ZSCAN30: variants seen among roughly 807,000 people sequenced by gnomAD.
ZSCAN30 encodes zinc finger and SCAN domain containing 30, also known as zinc finger and SCAN domain-containing protein 30.
In ZSCAN30, 37 loss-of-function variants were observed where a neutral mutation model predicts 44.3. The ratio of observed to expected loss-of-function variants is 0.84; its 90% confidence interval spans 0.64 to 1.10. The LOEUF is 1.10. ZSCAN30 is among the 50% of genes least tolerant of loss of function. The probability of loss-of-function intolerance (pLI) is 0.00; values close to 1 mark genes in which losing one functional copy is unlikely to be tolerated. For synonymous variants in ZSCAN30, 181 were observed against 204.6 expected (o/e 0.88, Z 0.98); for missense variants, 549 against 582.6 (o/e 0.94, Z 0.59).
intron 1 of ZSCAN30, among the ~76,000 whole-genome samples, chr18:35,289,134 C>T (rs550561516): frequency 6.6e-6 from 1 of 152,194 alleles, no homozygotes; most frequent in South Asian, 2.1e-4. Flanking sequence ...CACCACCATG[C>T]CCAGCTAATT....
Position 35,254,388 on chromosome 18 carries a change from A to C in ZSCAN30, c.554-7T>G, listed in dbSNP as rs1453835077. On this transcript the variant is annotated splice_polypyrimidine_tract_variant and splice_region_variant and intron_variant, in intron 3 of 3. Coordinates refer to ENST00000333206, the MANE Select transcript of ZSCAN30 (RefSeq NM_001112734.4). ...CCAGCCACCATCCTGCCATCTAAAA[A>C]TGTGAATAGAAAGTGTAAGTATCAT... is the stretch of plus-strand genomic sequence containing the variant. 1 of 1,613,920 alleles carries C rather than the reference A, an allele frequency of 6.2e-7. No homozygotes were observed. Among genetic ancestry groups the C allele is most frequent in the Non-Finnish European group, 8.5e-7 (1 of 1,179,934 alleles).
intron 1 of ZSCAN30, among the ~76,000 whole-genome samples, chr18:35,287,014 A>C (rs932669124): frequency 6.6e-6 from 1 of 152,190 alleles, no homozygotes; most frequent in Non-Finnish European, 1.5e-5. Flanking sequence ...GTATTTCTCT[A>C]TTATATTACC....
At position 35,254,182 on chromosome 18, in the gene ZSCAN30, A is replaced by G. The variant is rs2143649979; in HGVS notation, c.753T>C (p.Pro251=). The G allele has an allele frequency of 1.2e-6, 2 of 1,614,198 alleles. No individual in the cohort carries two copies. Among genetic ancestry groups the G allele is most frequent in the South Asian group, 1.1e-5 (1 of 91,088 alleles). The part of the protein sequence containing the change: ...NAAGNKISQL[P]SQDRHFSLAT... ...CCAGACTGAAATGTCTGTCCTGGGA[A>G]GGAAGCTGACTGATTTTGTTCCCTG... The change falls in exon 4 of 4, where the codon CCT becomes CCC. Residue 251 remains proline, a synonymous_variant. Transcript: ENST00000333206.
chr18:35,265,015 G>A (rs897677521), intron 1 of ZSCAN30, among the ~76,000 whole-genome samples: 1 of 151,970 alleles, frequency 6.6e-6, no homozygotes, highest in African/African-American at 2.4e-5. Flanking sequence ...GCGTGGTGGC[G>A]GGCGCCTATA....
At chr18:35,266,657 A>ATTT (rs34611791) in intron 1 of ZSCAN30, 3,363 of 78,620 alleles carry the variant, frequency 0.043, 525 homozygotes, top group African/African-American at 0.11. Flanking sequence ...ATTTCTCCTA[A>ATTT]TTTTTTTTTT....
intron 1 of ZSCAN30, chr18:35,269,647 G>A (rs954979797): frequency 6.6e-6 from 1 of 152,072 alleles, no homozygotes; most frequent in African/African-American, 2.4e-5. Flanking sequence ...TTGATATATG[G>A]CTGATAGGAA....
At chr18:35,267,370 C>T (rs2044178155) in intron 1 of ZSCAN30, 1 of 152,352 alleles carries the variant, frequency 6.6e-6, no homozygotes, top group Non-Finnish European at 1.5e-5. Flanking sequence ...CAGCCGAGCC[C>T]CGGCCTGTGG....
chr18:35,272,556 G>T (rs1038049222), intron 1 of ZSCAN30, among the ~76,000 whole-genome samples: 2 of 151,436 alleles, frequency 1.3e-5, no homozygotes, highest in Non-Finnish European at 2.9e-5. Flanking sequence ...GGTTGGCCAG[G>T]CTGTTCTCAA....
Position 35,252,525 on chromosome 18 carries a change from T to A in ZSCAN30, c.*925A>T, listed in dbSNP as rs988081405. 2.0e-5 allele frequency: 3 copies of A among 152,218 alleles called. No individual in the cohort carries two copies. The highest frequency in any genetic ancestry group is 4.4e-5 in the Non-Finnish European group (3 of 68,036). 9.4% of individuals were successfully genotyped at this position (152,218 alleles called of 1,614,324 possible). A position where few individuals can be genotyped will look rare whatever the true frequency, so the allele number is the denominator to read the frequency against. The stretch of plus-strand genomic sequence containing the variant: ...GATTCATTTTTTTAAAAATTAGGTC[T>A]ATGACAATTTCTGCAGTAGAGAAGA... On this transcript the variant is annotated 3_prime_UTR_variant, in exon 4 of 4. Coordinates refer to ENST00000333206, the MANE Select transcript of ZSCAN30 (RefSeq NM_001112734.4).
intron 1 of ZSCAN30, among the ~76,000 whole-genome samples, chr18:35,273,444 G>T (rs990499415): frequency 6.6e-6 from 1 of 152,116 alleles, no homozygotes; most frequent in African/African-American, 2.4e-5. Flanking sequence ...CCATTCATCT[G>T]TTAACGGACA....
chr18:35,270,295 C>G (rs2044244892), intron 1 of ZSCAN30: 1 of 152,092 alleles, frequency 6.6e-6, no homozygotes. Context: ...TTTAAAATAT[C>G]TTAATAAAAA....
At position 35,290,190 on chromosome 18, in the gene ZSCAN30, T is replaced by C. The variant is rs1363176183; in HGVS notation, c.-210A>G. 6.6e-6 allele frequency: 1 copy of C among 152,230 alleles called. No individual in the cohort carries two copies. The highest frequency in any genetic ancestry group is 1.5e-5 in the Non-Finnish European group (1 of 68,066). The allele number at this position is 152,230 out of a possible 1,614,324, so 9.4% of individuals were successfully genotyped here. A position where few individuals can be genotyped will look rare whatever the true frequency, so the allele number is the denominator to read the frequency against. The stretch of plus-strand genomic sequence containing the variant: ...GTCGCTGGCCAAGCAGGTCCCTGGC[T>C]AAGGCACTGCTAGGGACAGCTCGCG... On this transcript the variant is annotated 5_prime_UTR_variant, in exon 1 of 4. Transcript: ENST00000333206.
intron 3 of ZSCAN30, chr18:35,262,722 G>C (rs1325393814): frequency 6.6e-6 from 1 of 152,356 alleles, no homozygotes; most frequent in Non-Finnish European, 1.5e-5. Flanking sequence ...TCCTCAGTGA[G>C]TTCTGCCAGC....
chr18:35,290,077 A>G lies in ZSCAN30; in HGVS notation c.-104+7T>C, dbSNP rs1479557479. The stretch of plus-strand genomic sequence containing the variant: ...ATTAAGAACTTGTATGTAGTAAGAA[A>G]ACCTACCCTGCCCCAGAGAGCTTTC... On this transcript the variant is annotated splice_region_variant and intron_variant, in intron 1 of 3. Transcript: ENST00000333206. 2 of 152,216 alleles carry G rather than the reference A, an allele frequency of 1.3e-5. No individual in the cohort carries two copies. Among genetic ancestry groups the G allele is most frequent in the Non-Finnish European group, 2.9e-5 (2 of 68,058 alleles). 9.4% of individuals were successfully genotyped at this position (152,216 alleles called of 1,614,324 possible). A position where few individuals can be genotyped will look rare whatever the true frequency, so the allele number is the denominator to read the frequency against.
chr18:35,263,474 A>T, intron 3 of ZSCAN30, 39 bp downstream of exon 3: 1 of 1,610,772 alleles, frequency 6.2e-7, no homozygotes, highest in African/African-American at 1.3e-5. Flanking sequence ...GATAGCTCTC[A>T]CCTCCATCCT....
chr18:35,264,029 C>T lies in ZSCAN30; in HGVS notation c.324G>A (p.Leu108=). The T allele has an allele frequency of 6.2e-7, 1 of 1,614,248 alleles. No homozygotes were observed. The highest frequency in any genetic ancestry group is 1.7e-5 in the Admixed American group (1 of 60,034). ...CTCCATTCTCTGGCCGATGCTCTCGCAGCCAAGCTTGCAGCTCCTCAGGAA... is the reference window on the plus strand; with the variant it reads ...CTCCATTCTCTGGCCGATGCTCTCGTAGCCAAGCTTGCAGCTCCTCAGGAA... The part of the protein sequence containing the change: ...AILPEELQAW[L]REHRPENGEE... The change falls in exon 2 of 4, where the codon CTG becomes CTA. Residue 108 remains leucine (L), a synonymous_variant. Coordinates refer to ENST00000333206, the MANE Select transcript of ZSCAN30 (RefSeq NM_001112734.4).
intron 1 of ZSCAN30, among the ~76,000 whole-genome samples, chr18:35,273,064 C>T (rs937639619): frequency 2.0e-5 from 3 of 152,222 alleles, no homozygotes; most frequent in Non-Finnish European, 2.9e-5. Flanking sequence ...GGTGGGGACA[C>T]AGAGCCAAAC....
intron 3 of ZSCAN30, chr18:35,262,986 T>C (rs572707782): frequency 5.7e-6 from 1 of 175,736 alleles, no homozygotes; most frequent in East Asian, 1.8e-4. Flanking sequence ...CAAATGATTA[T>C]GTGGTTTCTA....
chr18:35,271,857 G>A (rs2044284331), intron 1 of ZSCAN30, among the ~76,000 whole-genome samples: 1 of 152,214 alleles, frequency 6.6e-6, no homozygotes, highest in Non-Finnish European at 1.5e-5. Flanking sequence ...AGTTCTGTGG[G>A]ACCCCGCGCC....
Sources: allele counts gnomAD v4.1 joint callset (sites outside exome capture counted in the v4.1 genomes callset), GRCh38; gene constraint gnomAD v4.1.1; transcripts MANE v1.5; gene names NCBI Gene and HGNC (gene_info 2026-07-23, HGNC 2026-07-21).